The following SLC9A2 variants were observed in gnomAD, a reference collection of about 807,000 sequenced individuals.
The protein encoded by SLC9A2 is solute carrier family 9 member A2.
Under a neutral mutation model 71.7 loss-of-function variants are expected in SLC9A2, and 42 were observed. The observed-to-expected ratio is 0.59, with a 90% CI of 0.46 to 0.76. The LOEUF (loss-of-function observed/expected upper bound fraction) is 0.76, where lower values mean the gene tolerates loss of function less well. Among genes scored for constraint, SLC9A2 ranks in the 30% least tolerant of loss-of-function variants. The pLI is 0.00. For missense variants in SLC9A2, 829 were observed against 1,017.4 expected, an observed-to-expected ratio of 0.81 and a Z score of 2.52; for synonymous variants, 396 against 392.5, an observed-to-expected ratio of 1.01 and a Z score of -0.10.
chr2:102,633,081 T>A (rs190169432), intron 1 of SLC9A2, among the ~76,000 whole-genome samples: 1 of 152,314 alleles, frequency 6.6e-6, no homozygotes, highest in Non-Finnish European at 1.5e-5. Context: ...ACAGTTTCTT[T>A]AATAAAATAA....
rs144164754 is a variant in SLC9A2 at position 102,670,132 on chromosome 2, G to A, written c.1004+4782G>A. On this transcript the variant is annotated intron_variant, in intron 3 of 11. Coordinates refer to ENST00000233969, the MANE Select transcript of SLC9A2 (RefSeq NM_003048.6). Reference sequence around the variant, plus strand: ...CTGCAAGCTCACCTCCCAGGTTCACGCCATTCTCCTGCCTTAGCCTCCCGA... The same window carrying A: ...CTGCAAGCTCACCTCCCAGGTTCACACCATTCTCCTGCCTTAGCCTCCCGA... Among the ~76,000 whole-genome samples the A allele has an allele frequency of 8.7e-3, 1,314 of 151,218 alleles. 20 individuals are homozygous for A. Among genetic ancestry groups the A allele is most frequent in the African/African-American group, 0.03 (1,220 of 41,160 alleles).
chr2:102,656,755 CT>C (rs1676951253), intron 1 of SLC9A2, among the ~76,000 whole-genome samples: 1 of 152,168 alleles, frequency 6.6e-6, no homozygotes, highest in Non-Finnish European at 1.5e-5. Context: ...ACCCAACCAC[CT>C]TGGTAATAAG....
chr2:102,632,682 A>G (rs57150829), intron 1 of SLC9A2, among the ~76,000 whole-genome samples: 12,656 of 152,100 alleles, frequency 0.083, 1,663 homozygotes, highest in African/African-American at 0.28. Flanking sequence ...TGACACACAT[A>G]CTTTCCAGGT....
chr2:102,628,415 T>C (rs771749267), intron 1 of SLC9A2, among the ~76,000 whole-genome samples: 7 of 152,156 alleles, frequency 4.6e-5, no homozygotes, highest in Non-Finnish European at 8.8e-5. Context: ...TTGATCTTCA[T>C]GGAGCCAAAG....
rs146335419 is a variant in SLC9A2 at position 102,650,942 on chromosome 2, C to T, written c.290-6622C>T. Among the ~76,000 whole-genome samples, 81 of 152,278 alleles carry T rather than the reference C, an allele frequency of 5.3e-4. 1 individual carries two copies. Among genetic ancestry groups the T allele is most frequent in the South Asian group, 1.2e-3 (6 of 4,826 alleles). On this transcript the variant is annotated intron_variant, in intron 1 of 11. Coordinates refer to ENST00000233969, the MANE Select transcript of SLC9A2 (RefSeq NM_003048.6). ...GTATGTTTTAAGGATTTCTGATTGG[C>T]GTTTACCATCTTGAGTTTCTCTCCT...
At chr2:102,670,155 C>T (rs1289044524) in intron 3 of SLC9A2, among the ~76,000 whole-genome samples, 1 of 150,220 alleles carries the variant, frequency 6.7e-6, no homozygotes, top group Non-Finnish European at 1.5e-5. Flanking sequence ...CTTAGCCTCC[C>T]GAGTAGCTGG....
At chr2:102,690,923 A>G (rs572328299) in intron 5 of SLC9A2, among the ~76,000 whole-genome samples, 1 of 151,790 alleles carries the variant, frequency 6.6e-6, no homozygotes, top group African/African-American at 2.4e-5. Flanking sequence ...TTATTTTGCA[A>G]ATATTAATTC....
intron 2 of SLC9A2, among the ~76,000 whole-genome samples, chr2:102,660,359 T>C (rs1210738233): frequency 6.6e-6 from 1 of 152,182 alleles, no homozygotes; most frequent in Non-Finnish European, 1.5e-5. Context: ...CGTGGTTTCA[T>C]ATCTAAGAGC....
chr2:102,682,141 C>T (rs901104492), intron 3 of SLC9A2, among the ~76,000 whole-genome samples: 3 of 152,116 alleles, frequency 2.0e-5, no homozygotes, highest in African/African-American at 7.2e-5. Context: ...AGGGTGGCTC[C>T]CTCTAATCCC....
intron 3 of SLC9A2, among the ~76,000 whole-genome samples, chr2:102,679,457 C>G (rs1170689685): frequency 6.6e-6 from 1 of 151,584 alleles, no homozygotes; most frequent in Non-Finnish European, 1.5e-5. Context: ...TCTCAGCTCA[C>G]TGCAAGCTCT....
chr2:102,695,526 T>C (rs1170250386), intron 7 of SLC9A2, among the ~76,000 whole-genome samples: 1 of 151,912 alleles, frequency 6.6e-6, no homozygotes, highest in Non-Finnish European at 1.5e-5. Flanking sequence ...GTGTTATTAA[T>C]AGCTGCCTTC....
intron 1 of SLC9A2, among the ~76,000 whole-genome samples, chr2:102,654,218 T>TTTTAGACG (rs1676890991): frequency 6.7e-6 from 1 of 148,924 alleles, no homozygotes; most frequent in African/African-American, 2.5e-5. Flanking sequence ...TTTTTTTTTT[T>TTTTAGACG]GAGACGGAGT....
intron 5 of SLC9A2, among the ~76,000 whole-genome samples, chr2:102,692,769 T>C (rs1019849562): frequency 1.3e-5 from 2 of 152,228 alleles, no homozygotes; most frequent in African/African-American, 4.8e-5. Flanking sequence ...TGGAATTGTG[T>C]TGTCGATACA....
At chr2:102,640,426 T>C (rs1676553219) in intron 1 of SLC9A2, among the ~76,000 whole-genome samples, 1 of 152,188 alleles carries the variant, frequency 6.6e-6, no homozygotes, top group East Asian at 1.9e-4. Flanking sequence ...TCAAAAGTCC[T>C]GGGCCTTCCC....
chr2:102,669,015 C>T (rs7608109), intron 3 of SLC9A2, among the ~76,000 whole-genome samples: 30,660 of 152,092 alleles, frequency 0.2, 3,427 homozygotes, highest in East Asian at 0.34. Flanking sequence ...AATGCAAGGA[C>T]GCTTTTAGAG....
chr2:102,682,639 A>T (rs988726672), intron 3 of SLC9A2, among the ~76,000 whole-genome samples: 1 of 152,152 alleles, frequency 6.6e-6, no homozygotes, highest in African/African-American at 2.4e-5. Flanking sequence ...ACCTGTTAAA[A>T]CCTTTTGAAT....
intron 1 of SLC9A2, among the ~76,000 whole-genome samples, chr2:102,621,416 G>T (rs1472681591): frequency 1.3e-5 from 2 of 149,646 alleles, no homozygotes; most frequent in Non-Finnish European, 3.0e-5. Context: ...TTTGAAAGCA[G>T]AAACCTCAGA....
At chr2:102,629,216 T>C (rs763084566) in intron 1 of SLC9A2, among the ~76,000 whole-genome samples, 1 of 152,186 alleles carries the variant, frequency 6.6e-6, no homozygotes, top group Non-Finnish European at 1.5e-5. Flanking sequence ...TTTGATGCTA[T>C]GTTATTACAT....
At chr2:102,670,639 C>T (rs896386140) in intron 3 of SLC9A2, among the ~76,000 whole-genome samples, 4 of 149,740 alleles carry the variant, frequency 2.7e-5, no homozygotes, top group Admixed American at 2.0e-4. Context: ...CAGCACATCC[C>T]GATGCAAATT....
Sources: gnomAD v4.1 joint callset for allele counts (sites outside exome capture counted in the v4.1 genomes callset) on GRCh38, gnomAD v4.1.1 for gene constraint, MANE v1.5 for transcripts, NCBI Gene and HGNC (gene_info 2026-07-23, HGNC 2026-07-21) for gene names.